The following UBE2D4 variants were observed in gnomAD, a reference collection of about 807,000 sequenced individuals.
UBE2D4 encodes the protein ubiquitin conjugating enzyme E2 D4, also known as ubiquitin-conjugating enzyme E2 D4.
A neutral mutation model predicts 23.0 loss-of-function variants in UBE2D4; 17 were observed. That is an observed-to-expected ratio of 0.74 (90% CI 0.51 to 1.11). UBE2D4 has a LOEUF of 1.11. Among genes scored for constraint, UBE2D4 ranks in the 50% least tolerant of loss-of-function variants. The pLI is 0.00. For synonymous variants in UBE2D4, 61 were observed against 69.4 expected, an observed-to-expected ratio of 0.88 and a Z score of 0.60; for missense variants, 139 against 181.8, an observed-to-expected ratio of 0.76 and a Z score of 1.35.
intron 1 of UBE2D4, among the ~76,000 whole-genome samples, chr7:43,932,984 G>GTATA (rs57093593): frequency 0.02 from 1,747 of 85,756 alleles, 52 homozygotes; most frequent in African/African-American, 0.038. Flanking sequence ...AAATGTTAAA[G>GTATA]TATATATATA....
chr7:43,942,731 G>A lies in UBE2D4; in HGVS notation c.89-95G>A, dbSNP rs1185137874. On this transcript the variant is annotated intron_variant, in intron 2 of 6. Coordinates refer to ENST00000222402, the MANE Select transcript of UBE2D4 (RefSeq NM_015983.4). ...GGTGTCAGAAGTGAGTGCATCTTGT[G>A]TAGACAGTGCGCTGTAATTTAGCAG... The A allele has an allele frequency of 5.8e-6, 9 of 1,561,224 alleles. No homozygotes were observed. In the East Asian group the frequency reaches 1.8e-4, roughly 31 times the overall value.
intron 5 of UBE2D4, 58 bp from the exon 6 acceptor site, chr7:43,950,541 C>A: frequency 7.1e-7 from 1 of 1,412,702 alleles, no homozygotes; most frequent in Non-Finnish European, 1.0e-6. Context: ...GAAGTTTACC[C>A]AGGGGTGACC....
At chr7:43,952,575 C>T in intron 6 of UBE2D4, 75 bp from the exon 7 acceptor site, 1 of 1,314,994 alleles carries the variant, frequency 7.6e-7, no homozygotes, top group Non-Finnish European at 1.1e-6. Context: ...CACATCAGTC[C>T]TGTTCTCTGC....
At chr7:43,931,302 G>T (rs1386484159) in intron 1 of UBE2D4, among the ~76,000 whole-genome samples, 2 of 152,018 alleles carry the variant, frequency 1.3e-5, no homozygotes, top group Non-Finnish European at 2.9e-5. Flanking sequence ...GACAGGCATG[G>T]TTCTTGGCAT....
intron 4 of UBE2D4, among the ~76,000 whole-genome samples, chr7:43,947,858 G>GT (rs2132793033): frequency 1.3e-5 from 2 of 152,288 alleles, no homozygotes; most frequent in East Asian, 3.9e-4. Context: ...AGCATCTGTT[G>GT]TTTCCTGATT....
At chr7:43,945,673 A>C (rs2095984669) in intron 4 of UBE2D4, among the ~76,000 whole-genome samples, 1 of 151,974 alleles carries the variant, frequency 6.6e-6, no homozygotes, top group Non-Finnish European at 1.5e-5. Flanking sequence ...TATATCAAAC[A>C]TGCAAAAAAT....
At chr7:43,932,480 A>G (rs1366656353) in intron 1 of UBE2D4, among the ~76,000 whole-genome samples, 2 of 152,132 alleles carry the variant, frequency 1.3e-5, no homozygotes, top group East Asian at 3.9e-4. Context: ...TTTGCAATAC[A>G]TGTACTTTAA....
intron 2 of UBE2D4, among the ~76,000 whole-genome samples, chr7:43,940,420 G>A (rs545991314): frequency 6.6e-6 from 1 of 152,186 alleles, no homozygotes; most frequent in Non-Finnish European, 1.5e-5. Context: ...CTGTAAGCTT[G>A]AACTAGTTCT....
intron 1 of UBE2D4, among the ~76,000 whole-genome samples, chr7:43,934,590 G>A (rs960570594): frequency 4.0e-5 from 6 of 151,106 alleles, no homozygotes; most frequent in African/African-American, 1.5e-4. Context: ...CTGTCACACA[G>A]GCGCAGTCTT....
chr7:43,932,177 G>C (rs1337353885), intron 1 of UBE2D4, among the ~76,000 whole-genome samples: 1 of 151,814 alleles, frequency 6.6e-6, no homozygotes, highest in Non-Finnish European at 1.5e-5. Context: ...TTTTAGGAGA[G>C]ACGGGGTTTC....
Position 43,926,507 on chromosome 7 carries a change from G to C in UBE2D4, c.-26G>C, listed in dbSNP as rs746625519. 40 of 1,515,210 alleles carry C rather than the reference G, an allele frequency of 2.6e-5. No homozygotes were observed. The Middle Eastern group carries it at 6.9e-4, about 26-fold the overall frequency. 93.9% of individuals were successfully genotyped at this position (1,515,210 alleles called of 1,614,324 possible). A position where few individuals can be genotyped will look rare whatever the true frequency, so the allele number is the denominator to read the frequency against. On this transcript the variant is annotated 5_prime_UTR_variant, in exon 1 of 7. Transcript: ENST00000222402. ...CGCCTCAGGCAGCCCCGGCCGGGCC[G>C]CCCGGGTCCCCGGCAGCGGGGTAGG...
Position 43,926,676 on chromosome 7 carries a change from G to T in UBE2D4, c.24+120G>T. ...CCGCGAGTCGCGGATACACCTGCCT[G>T]GGAAGGAGGCAGAACAGCCTCCCGC... On this transcript the variant is annotated intron_variant, in intron 1 of 6. Coordinates refer to ENST00000222402, the MANE Select transcript of UBE2D4 (RefSeq NM_015983.4). 3 of 1,115,412 alleles carry T rather than the reference G, an allele frequency of 2.7e-6. No homozygotes were observed. The South Asian group carries it at 5.2e-5, about 19-fold the overall frequency. 69.1% of individuals were successfully genotyped at this position (1,115,412 alleles called of 1,614,324 possible).
intron 1 of UBE2D4, among the ~76,000 whole-genome samples, chr7:43,933,160 G>A (rs541965841): frequency 6.8e-6 from 1 of 147,230 alleles, no homozygotes; most frequent in South Asian, 2.1e-4. Flanking sequence ...ATGTGTGGGT[G>A]TATATATATA....
intron 1 of UBE2D4, among the ~76,000 whole-genome samples, 154 bp downstream of exon 1, chr7:43,926,710 A>C (rs1328086936): frequency 1.3e-5 from 2 of 152,106 alleles, no homozygotes; most frequent in African/African-American, 4.8e-5. Context: ...GCGCAGCCTG[A>C]AAAGCGAACG....
rs1277343270 is a variant in UBE2D4 at position 43,944,351 on chromosome 7, C to T, written c.198+1320C>T. The stretch of plus-strand genomic sequence containing the variant: ...GGGATTCCAAGTGTGAGCCACCACG[C>T]TTGGCCAGGTTGTGCATTTTGTCAA... On this transcript the variant is annotated intron_variant, in intron 4 of 6. Transcript: ENST00000222402. The surrounding 1 kb of genome is among the most constrained non-coding windows in gnomAD (Gnocchi z 4.0). The T allele has an allele frequency of 6.6e-6, 1 of 152,242 alleles. No homozygotes were observed. Among genetic ancestry groups the T allele is most frequent in the Non-Finnish European group, 1.5e-5 (1 of 68,068 alleles). The allele number at this position is 152,242 out of a possible 1,614,324, so 9.4% of individuals were successfully genotyped here.
chr7:43,934,652 C>A (rs1179146130), intron 1 of UBE2D4, among the ~76,000 whole-genome samples: 1 of 112,068 alleles, frequency 8.9e-6, no homozygotes, highest in African/African-American at 3.6e-5. Flanking sequence ...TTTTTTTTTT[C>A]CCACAAGAAG....
chr7:43,950,519 T>A lies in UBE2D4; in HGVS notation c.305-80T>A. On this transcript the variant is annotated intron_variant, in intron 5 of 6. Coordinates refer to ENST00000222402, the MANE Select transcript of UBE2D4 (RefSeq NM_015983.4). ...ACAACTGCTTGGTCAAAATACAGAG[T>A]GCAAGTTCAGGGAAGTTTACCCAGG... is the stretch of plus-strand genomic sequence containing the variant. The A allele has an allele frequency of 2.9e-6, 3 of 1,047,142 alleles. No homozygotes were observed. The Admixed American group carries it at 5.6e-5, about 20-fold the overall frequency. The allele number at this position is 1,047,142 out of a possible 1,614,324, so 64.9% of individuals were successfully genotyped here.
chr7:43,926,476 G>GCGGGCCGCCTCAGGCAGCCCCGGC lies in UBE2D4; in HGVS notation c.-47_-24dup. ...CAGCTTGGTGGCGGCTGAGCCGGCA[G>GCGGGCCGCCTCAGGCAGCCCCGGC]CGGGCCGCCTCAGGCAGCCCCGGCC... On this transcript the variant is annotated 5_prime_UTR_variant, in exon 1 of 7. Transcript: ENST00000222402. 7.0e-7 allele frequency: 1 copy of GCGGGCCGCCTCAGGCAGCCCCGGC among 1,419,046 alleles called. No homozygotes were observed. Among genetic ancestry groups the GCGGGCCGCCTCAGGCAGCCCCGGC allele is most frequent in the Non-Finnish European group, 9.3e-7 (1 of 1,075,802 alleles). 87.9% of individuals were successfully genotyped at this position (1,419,046 alleles called of 1,614,324 possible).
rs2096007177 is a variant in UBE2D4, at chr7:43,953,340, C to T, written c.*645C>T. 2.6e-6 allele frequency: 1 copy of T among 383,890 alleles called. No individual in the cohort carries two copies. Among genetic ancestry groups the T allele is most frequent in the South Asian group, 1.9e-5 (1 of 51,978 alleles). The allele number at this position is 383,890 out of a possible 1,614,324, so 23.8% of individuals were successfully genotyped here. A position where few individuals can be genotyped will look rare whatever the true frequency, so the allele number is the denominator to read the frequency against. On this transcript the variant is annotated 3_prime_UTR_variant, in exon 7 of 7. Transcript: ENST00000222402. The stretch of plus-strand genomic sequence containing the variant: ...GTGGAAAATTTCAGGATACAAAGCA[C>T]ATAACACCCCATAAGAGATGATTAT...
Sources: allele counts gnomAD v4.1 joint callset (sites outside exome capture counted in the v4.1 genomes callset), GRCh38; gene constraint gnomAD v4.1.1; non-coding constraint Gnocchi (gnomAD v3.1); transcripts MANE v1.5; gene names NCBI Gene and HGNC (gene_info 2026-07-23, HGNC 2026-07-21).